The following METTL6 variants were observed in gnomAD, a reference collection of about 807,000 sequenced individuals.
METTL6 encodes the protein tRNA N(3)-cytidine methyltransferase METTL6.
Under a neutral mutation model 26.4 loss-of-function variants are expected in METTL6, and 22 were observed. The observed-to-expected ratio is 0.83, with a 90% confidence interval of 0.59 to 1.19. The LOEUF (loss-of-function observed/expected upper bound fraction) is 1.19. METTL6 is among the 50% of genes most tolerant of loss of function. The pLI, the probability that METTL6 is intolerant of heterozygous loss-of-function variation, is 0.00. For missense variants in METTL6, 304 were observed against 324.8 expected (o/e 0.94, Z 0.49); for synonymous variants, 109 against 116.2 (o/e 0.94, Z 0.40).
chr3:15,412,829 A>G (rs756924980), intron 5 of METTL6, among the ~76,000 whole-genome samples: 14 of 152,206 alleles, frequency 9.2e-5, no homozygotes, highest in African/African-American at 2.9e-4. Flanking sequence ...TTTCAAGAAG[A>G]AAAATGTTTG....
chr3:15,424,447 G>C (rs1260125756), intron 3 of METTL6, among the ~76,000 whole-genome samples: 1 of 152,012 alleles, frequency 6.6e-6, no homozygotes, highest in Non-Finnish European at 1.5e-5. Flanking sequence ...TTGTATTTTT[G>C]GTAGAGACAA....
chr3:15,401,815 C>T (rs990858962), intron 6 of METTL6, among the ~76,000 whole-genome samples: 2 of 152,106 alleles, frequency 1.3e-5, no homozygotes, highest in African/African-American at 4.8e-5. Flanking sequence ...AGGAATTGCC[C>T]GCCCCTTTTC....
chr3:15,392,216 T>C (rs1699368978), intron 6 of METTL6, among the ~76,000 whole-genome samples: 1 of 152,216 alleles, frequency 6.6e-6, no homozygotes, highest in Non-Finnish European at 1.5e-5. Context: ...TGGTATCTCA[T>C]TGTGGTTTTG....
rs1323295588 is a variant in METTL6 at position 15,414,160 on chromosome 3, T to C, written c.534A>G (p.Val178=). 1 of 1,607,798 alleles carries C rather than the reference T, an allele frequency of 6.2e-7. No homozygotes were observed. The highest frequency in any genetic ancestry group is 8.5e-7 in the Non-Finnish European group (1 of 1,178,098). Reference sequence around the variant, plus strand: ...ACAAGACACTTTTGCCTGGTTTTAATACCTATGAAACAAAAGCAGGCTGAA... The same window carrying C: ...ACAAGACACTTTTGCCTGGTTTTAACACCTATGAAACAAAAGCAGGCTGAA... ...MHLVLQNIYK[V]LKPGKSVLFR... Residue 178 remains valine, a splice_region_variant and synonymous_variant, in exon 5 of 6, where the codon GTA becomes GTG. Coordinates refer to ENST00000383790, the MANE Select transcript of METTL6 (RefSeq NM_152396.4).
chr3:15,400,932 G>A (rs919481564), intron 6 of METTL6, among the ~76,000 whole-genome samples: 1 of 152,124 alleles, frequency 6.6e-6, no homozygotes, highest in African/African-American at 2.4e-5. Flanking sequence ...CTGGATATCA[G>A]CTCACTGCAG....
rs1699954251 is a variant in METTL6, at chr3:15,411,314, A to C, written c.797T>G (p.Phe266Cys). Residue 266 changes from phenylalanine to cysteine, a missense_variant, in exon 6 of 6, where the codon TTT (phenylalanine) becomes TGT (cysteine). By Grantham distance (205) the Phe-to-Cys change is radical (BLOSUM62 -2). Coordinates refer to ENST00000383790, the MANE Select transcript of METTL6 (RefSeq NM_152396.4). Reference protein sequence around the residue: ...CVPRVFLQSKFLKPPKNPSPV... With the variant: ...CVPRVFLQSKCLKPPKNPSPV... ...AGATGGGTTCTTAGGAGGCTTTAGA[A>C]ATTTGCTCTGAAGGAAAACTCTTGG... 6.2e-7 allele frequency: 1 copy of C among 1,614,086 alleles called. No individual in the cohort carries two copies.
At chr3:15,423,437 G>A (rs1240568828) in intron 3 of METTL6, among the ~76,000 whole-genome samples, 1 of 152,178 alleles carries the variant, frequency 6.6e-6, no homozygotes, top group East Asian at 1.9e-4. Context: ...AGTGTAAGAG[G>A]TAGTGCTTGA....
At chr3:15,413,772 A>G (rs1700068772) in intron 5 of METTL6, 3 of 1,435,326 alleles carry the variant, frequency 2.1e-6, no homozygotes, top group East Asian at 3.1e-5. Flanking sequence ...ATGGCATGTC[A>G]GAGGCTGTCC....
rs1700089046 is a variant in METTL6 at position 15,414,146 on chromosome 3, T to C, written c.548A>G (p.Lys183Arg). The stretch of plus-strand genomic sequence containing the variant: ...TCCGTAGTCACGAAACAAGACACTT[T>C]TGCCTGGTTTTAATACCTATGAAAC... ...QNIYKVLKPG[K>R]SVLFRDYGLY... The change falls in exon 5 of 6, where the codon AAA (lysine) becomes AGA (arginine). Residue 183 changes from lysine to arginine, a missense_variant. Lys to Arg is a conservative substitution (Grantham distance 26). Coordinates refer to ENST00000383790, the MANE Select transcript of METTL6 (RefSeq NM_152396.4). 6.2e-7 allele frequency: 1 copy of C among 1,612,466 alleles called. No individual in the cohort carries two copies. Among genetic ancestry groups the C allele is most frequent in the African/African-American group, 1.3e-5 (1 of 74,800 alleles).
At chr3:15,421,407 T>G (rs988736761) in intron 3 of METTL6, among the ~76,000 whole-genome samples, 1 of 152,204 alleles carries the variant, frequency 6.6e-6, no homozygotes, top group African/African-American at 2.4e-5. Context: ...TGTTCTTTGC[T>G]TCTTGTGTTT....
chr3:15,382,060 T>G (rs934728672), exon 7 of METTL6: 1 of 151,984 alleles, frequency 6.6e-6, no homozygotes, highest in Non-Finnish European at 1.5e-5. Flanking sequence ...CTTTTTTTTT[T>G]TTTTTTAAGA....
rs1700153315 is a variant in METTL6 at position 15,415,353 on chromosome 3, T to C, written c.531+419A>G. ...CATTAGCTTTTTTTAGACAAGGTCTTGCTATGTTGGCCAGGCTGGTTTCAA... is the reference window on the plus strand; with the variant it reads ...CATTAGCTTTTTTTAGACAAGGTCTCGCTATGTTGGCCAGGCTGGTTTCAA... On this transcript the variant is annotated intron_variant, in intron 4 of 5. Coordinates refer to ENST00000383790, the MANE Select transcript of METTL6 (RefSeq NM_152396.4). 6 of 711,808 alleles carry C rather than the reference T, an allele frequency of 8.4e-6. No individual in the cohort carries two copies. In the East Asian group the frequency reaches 1.4e-4, roughly 16 times the overall value. The allele number at this position is 711,808 out of a possible 1,614,324, so 44.1% of individuals were successfully genotyped here.
At chr3:15,397,579 C>T (rs576728472) in intron 6 of METTL6, among the ~76,000 whole-genome samples, 139 of 152,298 alleles carry the variant, frequency 9.1e-4, no homozygotes, top group African/African-American at 2.8e-3. Context: ...GTGTCGCTCA[C>T]GCTGGGAGCT....
chr3:15,407,616 C>T (rs1383232799), downstream of METTL6, among the ~76,000 whole-genome samples: 1 of 152,162 alleles, frequency 6.6e-6, no homozygotes. Flanking sequence ...CACATCAAAC[C>T]CTCCACTGAG....
intron 6 of METTL6, among the ~76,000 whole-genome samples, chr3:15,393,725 A>G (rs1165344137): frequency 1.3e-5 from 2 of 152,142 alleles, no homozygotes; most frequent in African/African-American, 4.8e-5. Flanking sequence ...GAATTTTGTC[A>G]AAGGCCTTTT....
chr3:15,399,207 C>T (rs538644241), intron 6 of METTL6, among the ~76,000 whole-genome samples: 1 of 151,924 alleles, frequency 6.6e-6, no homozygotes, highest in South Asian at 2.1e-4. Flanking sequence ...CCCCTGCCCC[C>T]CCAACCCCTC....
downstream of METTL6, among the ~76,000 whole-genome samples, chr3:15,409,245 C>T (rs890832230): frequency 3.3e-5 from 5 of 152,174 alleles, no homozygotes; most frequent in African/African-American, 1.2e-4. Context: ...ACCCCTCCTC[C>T]AGATGTAGTT....
intron 4 of METTL6, 145 bp downstream of exon 4, chr3:15,415,626 AC>A (rs770892861): frequency 1.9e-6 from 3 of 1,609,238 alleles, no homozygotes; most frequent in Non-Finnish European, 2.5e-6. Flanking sequence ...ATGCCAGAGG[AC>A]CCCTTTCTAT....
At chr3:15,398,673 C>A (rs1019697143) in intron 6 of METTL6, among the ~76,000 whole-genome samples, 4 of 152,120 alleles carry the variant, frequency 2.6e-5, no homozygotes, top group Non-Finnish European at 4.4e-5. Flanking sequence ...CATGGTGAAA[C>A]CACATCTCTA....
Sources: gnomAD v4.1 joint callset for allele counts (sites outside exome capture counted in the v4.1 genomes callset) on GRCh38, gnomAD v4.1.1 for gene constraint, MANE v1.5 for transcripts, NCBI Gene and HGNC (gene_info 2026-07-23, HGNC 2026-07-21) for gene names.